DOK6: variants seen among roughly 807,000 people sequenced by gnomAD.
The protein encoded by DOK6 is docking protein 6.
In DOK6, 22 loss-of-function variants were observed where a neutral mutation model predicts 44.0. That is an observed-to-expected ratio of 0.50 (90% CI 0.36 to 0.71). The LOEUF is 0.71. Ranked by LOEUF, DOK6 falls within the 30% of genes least tolerant of loss-of-function variation. The pLI, the probability that DOK6 is intolerant of heterozygous loss-of-function variation, is 0.00. For missense variants in DOK6, 340 were observed against 416.4 expected, an observed-to-expected ratio of 0.82 and a Z score of 1.60; for synonymous variants, 166 against 145.5, an observed-to-expected ratio of 1.14 and a Z score of -1.01.
At chr18:69,782,181 A>G (rs9963780) in intron 7 of DOK6, among the ~76,000 whole-genome samples, 31,992 of 150,754 alleles carry the variant, frequency 0.21, 3,629 homozygotes, top group East Asian at 0.29. Context: ...TTAAATCCAG[A>G]ACTAACTGGA....
Position 69,401,284 on chromosome 18 carries a change from G to C in DOK6, c.40G>C (p.Val14Leu). ...NFNDIVKQGYVKIRSRKLGIF... is the reference protein window; with the variant it reads ...NFNDIVKQGYLKIRSRKLGIF... Reference sequence around the variant, plus strand: ...TAACGACATAGTCAAGCAGGGCTACGTGAAAATCCGCAGCAGGAAGCTTGG... The same window carrying C: ...TAACGACATAGTCAAGCAGGGCTACCTGAAAATCCGCAGCAGGAAGCTTGG... Residue 14 changes from valine (V) to leucine (L), a missense_variant, in exon 1 of 8, where the codon GTG (valine) becomes CTG (leucine). Physicochemically the swap from Val to Leu is conservative, Grantham distance 32. Around this residue, in one of 3 missense-constraint regions of DOK6, gnomAD observed 206 missense variants for 258.6 expected, o/e 0.80. Transcript: ENST00000382713. 1 of 1,584,314 alleles carries C rather than the reference G, an allele frequency of 6.3e-7. No homozygotes were observed. Among genetic ancestry groups the C allele is most frequent in the Non-Finnish European group, 8.6e-7 (1 of 1,165,816 alleles).
intron 3 of DOK6, among the ~76,000 whole-genome samples, chr18:69,612,091 A>G (rs137961558): frequency 1.3e-5 from 2 of 152,186 alleles, no homozygotes; most frequent in Admixed American, 6.5e-5. Context: ...CAAAATGTAC[A>G]CAGGATGTCT....
chr18:69,824,980 C>A (rs1981698696), intron 7 of DOK6, among the ~76,000 whole-genome samples: 1 of 152,188 alleles, frequency 6.6e-6, no homozygotes, highest in Non-Finnish European at 1.5e-5. Flanking sequence ...TTCTAAATTT[C>A]TTTCTAGTGT....
At chr18:69,537,639 A>G (rs1181573493) in intron 1 of DOK6, among the ~76,000 whole-genome samples, 2 of 152,172 alleles carry the variant, frequency 1.3e-5, no homozygotes, top group African/African-American at 4.8e-5. Context: ...TTGTTTCTAG[A>G]CGAGTTGGTG....
intron 1 of DOK6, among the ~76,000 whole-genome samples, chr18:69,559,867 G>C (rs1982785125): frequency 6.6e-6 from 1 of 152,072 alleles, no homozygotes; most frequent in South Asian, 2.1e-4. Context: ...CAGAGAAAGA[G>C]AGAGAGAAAG....
intron 7 of DOK6, among the ~76,000 whole-genome samples, chr18:69,799,700 A>G (rs1467340281): frequency 2.0e-5 from 3 of 152,082 alleles, no homozygotes; most frequent in African/African-American, 7.2e-5. Context: ...GTCTTAAGTA[A>G]TCAGACTGTT....
At chr18:69,823,832 T>C (rs1981649889) in intron 7 of DOK6, among the ~76,000 whole-genome samples, 1 of 152,148 alleles carries the variant, frequency 6.6e-6, no homozygotes, top group Admixed American at 6.5e-5. Flanking sequence ...ATAGGATTTA[T>C]ATTTGGAAAG....
At chr18:69,420,918 C>A (rs1978474288) in intron 1 of DOK6, among the ~76,000 whole-genome samples, 1 of 152,098 alleles carries the variant, frequency 6.6e-6, no homozygotes, top group Admixed American at 6.6e-5. Context: ...TTAATTGGAA[C>A]CATTGGCTGT....
intron 3 of DOK6, among the ~76,000 whole-genome samples, chr18:69,610,631 G>A (rs1037177761): frequency 3.9e-5 from 6 of 151,946 alleles, no homozygotes; most frequent in African/African-American, 4.8e-5. Context: ...CCATATCTGC[G>A]GACACTGCAT....
Position 69,659,896 on chromosome 18 carries a change from CATAT to C in DOK6, c.290-17835_290-17832del, listed in dbSNP as rs1272713120. The stretch of plus-strand genomic sequence containing the variant: ...ATATATGTATGTTTTATATATATAA[CATAT>C]ATGTATGTTTTATATATATAACATA... On this transcript the variant is annotated intron_variant, in intron 3 of 7. Coordinates refer to ENST00000382713, the MANE Select transcript of DOK6 (RefSeq NM_152721.6). The C allele has an allele frequency of 7.8e-5, 10 of 128,242 alleles. 1 individual carries two copies. In the South Asian group the frequency reaches 2.8e-3, roughly 37 times the overall value. 7.9% of individuals were successfully genotyped at this position (128,242 alleles called of 1,614,324 possible).
intron 1 of DOK6, among the ~76,000 whole-genome samples, chr18:69,503,635 A>C (rs890696734): frequency 8.5e-5 from 13 of 152,076 alleles, no homozygotes; most frequent in Admixed American, 6.6e-4. Flanking sequence ...CTTGTTTTTC[A>C]GTTCAACATA....
intron 1 of DOK6, among the ~76,000 whole-genome samples, chr18:69,553,409 A>C (rs1410251916): frequency 6.6e-6 from 1 of 152,226 alleles, no homozygotes; most frequent in Non-Finnish European, 1.5e-5. Flanking sequence ...CCTCTGGTAC[A>C]ACACAGTTTA....
At chr18:69,499,408 AATT>A in intron 1 of DOK6, among the ~76,000 whole-genome samples, 1 of 152,284 alleles carries the variant, frequency 6.6e-6, no homozygotes, top group Middle Eastern at 3.4e-3. Context: ...AATAGGCTAG[AATT>A]AGTGTGATAG....
chr18:69,663,469 C>T (rs962297093), intron 3 of DOK6: 1 of 151,462 alleles, frequency 6.6e-6, no homozygotes, highest in African/African-American at 2.4e-5. Flanking sequence ...ACAGAAAATC[C>T]CTTCAGCCTA....
intron 3 of DOK6, among the ~76,000 whole-genome samples, chr18:69,609,440 A>T (rs937059310): frequency 2.0e-5 from 3 of 151,638 alleles, no homozygotes; most frequent in African/African-American, 7.3e-5. Flanking sequence ...AATCACAATG[A>T]GTATTATGAA....
chr18:69,785,670 C>T (rs779794536), intron 7 of DOK6, among the ~76,000 whole-genome samples: 2 of 152,130 alleles, frequency 1.3e-5, no homozygotes, highest in Non-Finnish European at 2.9e-5. Context: ...AGATTTGAAA[C>T]TCAGTCACTG....
intron 5 of DOK6, among the ~76,000 whole-genome samples, chr18:69,726,725 G>A (rs1008358737): frequency 3.3e-5 from 5 of 151,826 alleles, no homozygotes; most frequent in Non-Finnish European, 7.4e-5. Context: ...AGGCCTAAGA[G>A]CAAGATGCCA....
At chr18:69,687,031 A>C (rs1296651065) in intron 4 of DOK6, among the ~76,000 whole-genome samples, 1 of 152,204 alleles carries the variant, frequency 6.6e-6, no homozygotes, top group Non-Finnish European at 1.5e-5. Context: ...TTCAGAAAAA[A>C]CAGAGGAGGA....
rs993607895 is a variant in DOK6 at position 69,566,383 on chromosome 18, G to A, written c.174+1789G>A. The stretch of plus-strand genomic sequence containing the variant: ...GATCTTCTGACCTTGTGATCCGCCC[G>A]CCTCGGCCTCCCAAAGTGCTGGGAT... On this transcript the variant is annotated intron_variant, in intron 2 of 7. Transcript: ENST00000382713. Among the ~76,000 whole-genome samples, 354 of 152,196 alleles carry A rather than the reference G, an allele frequency of 2.3e-3. 7 individuals carry two copies. Among genetic ancestry groups the A allele is most frequent in the Non-Finnish European group, 2.8e-4 (19 of 67,998 alleles).
Sources: gnomAD v4.1 joint callset for allele counts (sites outside exome capture counted in the v4.1 genomes callset) on GRCh38, gnomAD v4.1.1 for gene constraint, gnomAD v4.1.1 regional missense constraint, MANE v1.5 for transcripts, NCBI Gene and HGNC (gene_info 2026-07-23, HGNC 2026-07-21) for gene names.